Variants in FARP2 observed in about 807,000 individuals in gnomAD.
FARP2 encodes FERM, ARH/RhoGEF and pleckstrin domain protein 2, also known as FERM, ARHGEF and pleckstrin domain-containing protein 2.
FARP2 carries 111 observed loss-of-function variants against 130.5 expected under a neutral mutation model. The ratio of observed to expected loss-of-function variants is 0.85; its 90% confidence interval spans 0.73 to 1.00. The LOEUF is 1.00. FARP2 is among the 50% of genes least tolerant of loss of function. FARP2 has a pLI of 0.00. For synonymous variants in FARP2, 504 were observed against 516.9 expected (o/e 0.98, Z 0.34); for missense variants, 1,385 against 1,346.3 (o/e 1.03, Z -0.45).
rs941402706 is a variant in FARP2 at position 241,494,300 on chromosome 2, C to A, written c.*175C>A. The A allele has an allele frequency of 2.4e-6, 1 of 415,758 alleles. No individual in the cohort carries two copies. Among genetic ancestry groups the A allele is most frequent in the Non-Finnish European group, 4.4e-6 (1 of 229,020 alleles). 25.8% of individuals were successfully genotyped at this position (415,758 alleles called of 1,614,324 possible). Reference sequence around the variant, plus strand: ...ATCTGGGAGGGGCTTCATCCCCCCACCCAGGACCTAGTGCATGCCAGCAGC... The same window carrying A: ...ATCTGGGAGGGGCTTCATCCCCCCAACCAGGACCTAGTGCATGCCAGCAGC... On this transcript the variant is annotated 3_prime_UTR_variant, in exon 27 of 27. Transcript: ENST00000264042. The surrounding 1 kb of genome is among the most constrained non-coding windows in gnomAD (Gnocchi z 4.9).
intron 18 of FARP2, among the ~76,000 whole-genome samples, chr2:241,470,912 C>T (rs1299361240): frequency 6.6e-6 from 1 of 150,872 alleles, no homozygotes; most frequent in Non-Finnish European, 1.5e-5. Context: ...TTGAGGAGAC[C>T]CTATTCAGAG....
intron 4 of FARP2, 143 bp from the exon 5 acceptor site, chr2:241,407,394 A>G: frequency 1.5e-6 from 1 of 647,122 alleles, no homozygotes; most frequent in Non-Finnish European, 2.7e-6. Flanking sequence ...ACCTGGGCAG[A>G]AATTTCTTAA....
intron 1 of FARP2, among the ~76,000 whole-genome samples, chr2:241,361,981 G>A (rs1487913437): frequency 1.3e-5 from 2 of 151,400 alleles, no homozygotes; most frequent in East Asian, 1.9e-4. Context: ...TGCAACCTCC[G>A]CCTCCCACAT....
At chr2:241,439,220 G>T (rs2063323280) in intron 12 of FARP2, among the ~76,000 whole-genome samples, 1 of 151,602 alleles carries the variant, frequency 6.6e-6, no homozygotes, top group Admixed American at 6.6e-5. Flanking sequence ...GTCTCACCAT[G>T]TTGCCCAGGC....
chr2:241,367,533 A>G (rs1338979956), intron 1 of FARP2, among the ~76,000 whole-genome samples: 1 of 152,158 alleles, frequency 6.6e-6, no homozygotes, highest in Non-Finnish European at 1.5e-5. Flanking sequence ...CCATTTGAAC[A>G]TCATCAGCAG....
At chr2:241,367,310 C>A (rs2061339430) in intron 1 of FARP2, among the ~76,000 whole-genome samples, 1 of 152,120 alleles carries the variant, frequency 6.6e-6, no homozygotes, top group Admixed American at 6.5e-5. Flanking sequence ...TGTGCAAGCC[C>A]ACCTGCCCAG....
rs911082757 is a variant in FARP2 at position 241,404,796 on chromosome 2, T to C, written c.289-3T>C. 1 of 1,602,728 alleles carries C rather than the reference T, an allele frequency of 6.2e-7. No individual in the cohort carries two copies. The highest frequency in any genetic ancestry group is 8.5e-7 in the Non-Finnish European group (1 of 1,169,974). ...TGGATTTCTTCTGTTAACTCTTCTT[T>C]AGATTTGGCTTGAACCTATGAAACC... On this transcript the variant is annotated splice_polypyrimidine_tract_variant and splice_region_variant and intron_variant, in intron 3 of 26. Coordinates refer to ENST00000264042, the MANE Select transcript of FARP2 (RefSeq NM_014808.4).
intron 2 of FARP2, among the ~76,000 whole-genome samples, chr2:241,382,423 A>AT (rs1408604328): frequency 6.6e-6 from 1 of 151,174 alleles, no homozygotes; most frequent in Non-Finnish European, 1.5e-5. Context: ...AGCTGGGACT[A>AT]CAGATGTGTG....
chr2:241,382,744 A>C lies in FARP2; in HGVS notation c.183+9454A>C, dbSNP rs117133814. On this transcript the variant is annotated intron_variant, in intron 2 of 26. Transcript: ENST00000264042. ...AGCACCTCATGCCCCTACCAGTGGT[A>C]TATGCAGGTGTTCATTTCTCTCACC... is the stretch of plus-strand genomic sequence containing the variant. 2.0e-5 allele frequency among the ~76,000 whole-genome samples: 3 copies of C among 152,352 alleles called. No homozygotes were observed. In the East Asian group the frequency reaches 5.8e-4, roughly 29 times the overall value.
At chr2:241,481,837 T>C (rs1214779668) in intron 19 of FARP2, among the ~76,000 whole-genome samples, 1 of 152,166 alleles carries the variant, frequency 6.6e-6, no homozygotes, top group Non-Finnish European at 1.5e-5. Context: ...CTCTCCACAC[T>C]TCCCATGTGG....
intron 2 of FARP2, among the ~76,000 whole-genome samples, chr2:241,401,040 AAC>A (rs761572577): frequency 2.0e-5 from 3 of 152,218 alleles, no homozygotes; most frequent in Non-Finnish European, 4.4e-5. Flanking sequence ...GAGCAAGTTC[AAC>A]ACAGATTTGC....
intron 12 of FARP2, among the ~76,000 whole-genome samples, chr2:241,437,666 A>ATTTTTTTTTTTTTTTTTTTT (rs1243876155): frequency 1.5e-5 from 2 of 129,244 alleles, no homozygotes; most frequent in African/African-American, 2.7e-5. Flanking sequence ...TTATTTATTT[A>ATTTTTTTTTTTTTTTTTTTT]TTTATTTTTT....
In FARP2 at chr2:241,406,632, G is replaced by A. The variant is rs141419216; in HGVS notation, c.332-905G>A. 1.1e-3 allele frequency among the ~76,000 whole-genome samples: 166 copies of A among 151,726 alleles called. 1 individual carries two copies. Among genetic ancestry groups the A allele is most frequent in the African/African-American group, 3.6e-3 (150 of 41,352 alleles). On this transcript the variant is annotated intron_variant, in intron 4 of 26. Coordinates refer to ENST00000264042, the MANE Select transcript of FARP2 (RefSeq NM_014808.4). ...TGGCTAATTTGGGGTTTTTTTGGGG[G>A]GGAGAGGGGCGGGTAGAGATGGGAT...
chr2:241,452,823 C>T (rs1260102274), intron 13 of FARP2, among the ~76,000 whole-genome samples: 2 of 151,166 alleles, frequency 1.3e-5, no homozygotes, highest in African/African-American at 4.9e-5. Flanking sequence ...CATGTGTAGT[C>T]CCAGCTACTC....
At chr2:241,365,346 TA>T (rs1300164737) in intron 1 of FARP2, among the ~76,000 whole-genome samples, 2 of 152,348 alleles carry the variant, frequency 1.3e-5, no homozygotes, top group African/African-American at 4.8e-5. Context: ...ATTTTATCCA[TA>T]AATGCTTTAG....
intron 17 of FARP2, among the ~76,000 whole-genome samples, chr2:241,464,591 C>CTCTCAGAACAGGGTCT (rs139551392): frequency 6.6e-6 from 1 of 152,088 alleles, no homozygotes; most frequent in Non-Finnish European, 1.5e-5. Context: ...AAACAGGGTC[C>CTCTCAGAACAGGGTCT]TCTCAGAACA....
At chr2:241,471,946 T>C (rs1174071404) in intron 18 of FARP2, among the ~76,000 whole-genome samples, 3,333 of 149,848 alleles carry the variant, frequency 0.022, no homozygotes, top group Admixed American at 0.12. Context: ...TCTGTGGTGA[T>C]CCTGTTCTGA....
At chr2:241,393,272 G>T (rs151224088) in intron 2 of FARP2, among the ~76,000 whole-genome samples, 1 of 151,984 alleles carries the variant, frequency 6.6e-6, no homozygotes, top group East Asian at 1.9e-4. Flanking sequence ...CACCCGCCTC[G>T]GTCTCCCAAA....
chr2:241,461,304 C>T (rs1010148644), intron 14 of FARP2, among the ~76,000 whole-genome samples: 8 of 151,750 alleles, frequency 5.3e-5, no homozygotes, highest in Non-Finnish European at 7.4e-5. Context: ...AGTGCTGTCT[C>T]GCCGGGTGGT....
Sources: allele counts gnomAD v4.1 joint callset (sites outside exome capture counted in the v4.1 genomes callset), GRCh38; gene constraint gnomAD v4.1.1; non-coding constraint Gnocchi (gnomAD v3.1); transcripts MANE v1.5; gene names NCBI Gene and HGNC (gene_info 2026-07-23, HGNC 2026-07-21).